The following PIEZO2 variants were observed in gnomAD, a reference collection of about 807,000 sequenced individuals.
PIEZO2 encodes piezo type mechanosensitive ion channel component 2.
A neutral mutation model predicts 337.3 loss-of-function variants in PIEZO2; 172 were observed. The observed-to-expected ratio is 0.51, with a 90% CI of 0.45 to 0.58. The LOEUF (loss-of-function observed/expected upper bound fraction) is 0.58. PIEZO2 is among the 20% of genes least tolerant of loss of function. The pLI, the probability that PIEZO2 is intolerant of heterozygous loss-of-function variation, is 0.00. For synonymous variants in PIEZO2, 1,251 were observed against 1,228.5 expected (o/e 1.02, Z -0.38); for missense variants, 3,028 against 3,391.3 (o/e 0.89, Z 2.66).
chr18:10,696,512 T>C lies in PIEZO2; in HGVS notation c.6855A>G (p.Lys2285=). 1.2e-6 allele frequency: 2 copies of C among 1,613,774 alleles called. No homozygotes were observed. The highest frequency in any genetic ancestry group is 2.7e-5 in the African/African-American group (2 of 75,002). The part of the protein sequence containing the change: ...KKTLEIYVPI[K]QFFYNLIHPE... ...GGTGGATGAGGTTGTAAAAGAACTGTTTGATGGGCACATAGATCTCCAGCG... is the reference window on the plus strand; with the variant it reads ...GGTGGATGAGGTTGTAAAAGAACTGCTTGATGGGCACATAGATCTCCAGCG... Residue 2285 remains lysine, a synonymous_variant, in exon 46 of 56, where the codon AAA becomes AAG. Transcript: ENST00000674853.
chr18:10,746,920 G>A lies in PIEZO2; in HGVS notation c.4424+1551C>T, dbSNP rs2037446532. 6.6e-6 allele frequency among the ~76,000 whole-genome samples: 1 copy of A among 152,146 alleles called. No individual in the cohort carries two copies. ...TATGTCCGCCCAAATGGACTGAGAC[G>A]ATACCAGGTGTACTGTAGTAGAATT... On this transcript the variant is annotated intron_variant, in intron 30 of 55. Transcript: ENST00000674853. The surrounding 1 kb of genome is among the most constrained non-coding windows in gnomAD (Gnocchi z 4.2).
At position 11,075,770 on chromosome 18, in the gene PIEZO2, G is replaced by A. The variant is rs141372502; in HGVS notation, c.65-9548C>T. On this transcript the variant is annotated intron_variant, in intron 1 of 55. Coordinates refer to ENST00000674853, the MANE Select transcript of PIEZO2 (RefSeq NM_001378183.1). ...CTCACATATGTGTGACAGGAAAGGC[G>A]AATAGAGATATATTTCTTTTTTTTT... 2.2e-3 allele frequency among the ~76,000 whole-genome samples: 333 copies of A among 150,600 alleles called. 2 individuals are homozygous for A. Among genetic ancestry groups the A allele is most frequent in the African/African-American group, 7.3e-3 (300 of 40,986 alleles).
chr18:10,842,365 G>C (rs2041223853), intron 7 of PIEZO2, among the ~76,000 whole-genome samples: 1 of 152,168 alleles, frequency 6.6e-6, no homozygotes, highest in South Asian at 2.1e-4. Context: ...AGGGGTGTTT[G>C]GGTCACGGGA....
Position 10,861,828 on chromosome 18 carries a change from G to A in PIEZO2, c.493-4617C>T, listed in dbSNP as rs2041881586. On this transcript the variant is annotated intron_variant, in intron 5 of 55. Coordinates refer to ENST00000674853, the MANE Select transcript of PIEZO2 (RefSeq NM_001378183.1). This position sits in a 1 kb window ranked among gnomAD's most constrained non-coding sequence, Gnocchi z 4.3. ...AGGTCAGGAGATCGAGACCTGCCTG[G>A]ACAACATGGTGAAACCTTGTCTGTA... 6.6e-6 allele frequency among the ~76,000 whole-genome samples: 1 copy of A among 152,144 alleles called. No individual in the cohort carries two copies. The highest frequency in any genetic ancestry group is 1.5e-5 in the Non-Finnish European group (1 of 68,010).
chr18:10,743,102 C>T (rs2037289125), intron 31 of PIEZO2, among the ~76,000 whole-genome samples: 1 of 152,140 alleles, frequency 6.6e-6, no homozygotes, highest in Admixed American at 6.5e-5. Context: ...ATTTGTTATT[C>T]TTCTAGACCT....
At chr18:10,880,693 G>T (rs1297952844) in intron 4 of PIEZO2, among the ~76,000 whole-genome samples, 1 of 151,702 alleles carries the variant, frequency 6.6e-6, no homozygotes, top group African/African-American at 2.4e-5. Flanking sequence ...CACGCTGAGA[G>T]ATAGTCTACT....
Position 10,681,677 on chromosome 18 carries a change from GC to G in PIEZO2, c.7762del (p.Ala2588LeufsTer20). 6.2e-7 allele frequency: 1 copy of G among 1,600,058 alleles called. No homozygotes were observed. The highest frequency in any genetic ancestry group is 8.6e-7 in the Non-Finnish European group (1 of 1,167,366). ...DQQSFNKFIQAFSRDTGAMQF... is the reference protein window; with the variant it reads ...DQQSFNKFIQXFSRDTGAMQF... ...TTTACTTACGGTGTCCCTAGAAAAA[GC>G]TTGTATAAATTTGTTAAAGCTCTGC... On this transcript the variant is annotated frameshift_variant, in exon 51 of 56. Coordinates refer to ENST00000674853, the MANE Select transcript of PIEZO2 (RefSeq NM_001378183.1). LOFTEE classifies it high-confidence loss of function.
intron 4 of PIEZO2, among the ~76,000 whole-genome samples, chr18:10,890,958 G>A (rs1354134714): frequency 1.3e-5 from 2 of 152,170 alleles, no homozygotes; most frequent in South Asian, 2.1e-4. Context: ...AAAATATATC[G>A]AATCTCCTTG....
chr18:10,677,805 G>A lies in PIEZO2; in HGVS notation c.8023C>T (p.Arg2675Ter), dbSNP rs576824464. The A allele has an allele frequency of 2.5e-6, 4 of 1,610,598 alleles. No individual in the cohort carries two copies. Among genetic ancestry groups the A allele is most frequent in the South Asian group, 1.1e-5 (1 of 89,744 alleles). ...GCTATCATTTTAGCGATATTCTTTC[G>A]AGTAATATTTTTAAGAGGAAAAGAA... ...KLSFPLKNITRKNIAKMIAGN... is the reference protein window; with the variant it reads ...KLSFPLKNIT Residue 2675 changes from arginine to a stop codon, truncating the protein, a stop_gained, in exon 53 of 56, where the codon CGA (arginine) becomes TGA (stop). Transcript: ENST00000674853. LOFTEE classifies it high-confidence loss of function. This position sits in a 1 kb window ranked among gnomAD's most constrained non-coding sequence, Gnocchi z 4.1.
intron 3 of PIEZO2, among the ~76,000 whole-genome samples, chr18:10,966,267 C>A (rs2033994188): frequency 6.6e-6 from 1 of 152,158 alleles, no homozygotes; most frequent in South Asian, 2.1e-4. Context: ...CATTCATTCT[C>A]CAAACTCTTG....
chr18:11,074,861 T>C (rs2038476112), intron 1 of PIEZO2, among the ~76,000 whole-genome samples: 1 of 152,232 alleles, frequency 6.6e-6, no homozygotes, highest in Admixed American at 6.5e-5. Context: ...TTTACCATTC[T>C]ATAGTAGCTC....
At chr18:11,081,177 G>A (rs1016866188) in intron 1 of PIEZO2, among the ~76,000 whole-genome samples, 1 of 152,204 alleles carries the variant, frequency 6.6e-6, no homozygotes, top group Admixed American at 6.5e-5. Context: ...GTGAAGCTAA[G>A]CTCCAGGCCT....
intron 4 of PIEZO2, among the ~76,000 whole-genome samples, chr18:10,880,948 T>A (rs1025747918): frequency 1.4e-5 from 2 of 142,272 alleles, no homozygotes; most frequent in African/African-American, 5.3e-5. Flanking sequence ...TCTGACCTCA[T>A]ATAGCAAGTC....
chr18:10,747,972 A>G (rs1196801552), intron 30 of PIEZO2, among the ~76,000 whole-genome samples: 1 of 151,770 alleles, frequency 6.6e-6, no homozygotes, highest in Non-Finnish European at 1.5e-5. Flanking sequence ...ACTTCACTTT[A>G]TTACCTCTCC....
chr18:11,139,027 A>C (rs1327007951), intron 1 of PIEZO2, among the ~76,000 whole-genome samples: 1 of 152,224 alleles, frequency 6.6e-6, no homozygotes, highest in Non-Finnish European at 1.5e-5. Context: ...CACACTAGCC[A>C]ATGTTTTACT....
chr18:11,062,042 T>C (rs1228493042), intron 2 of PIEZO2, among the ~76,000 whole-genome samples: 3 of 152,168 alleles, frequency 2.0e-5, no homozygotes, highest in Non-Finnish European at 4.4e-5. Flanking sequence ...AACAGCATGG[T>C]ACTGGTACCA....
In PIEZO2 at chr18:10,671,650, T is replaced by C. The variant is rs781052701; in HGVS notation, c.8475A>G (p.Thr2825=). 3.1e-6 allele frequency: 5 copies of C among 1,614,066 alleles called. No individual in the cohort carries two copies. Among genetic ancestry groups the C allele is most frequent in the Non-Finnish European group, 3.4e-6 (4 of 1,179,998 alleles). The change falls in exon 56 of 56, where the codon ACA becomes ACG. Residue 2825 remains threonine, a synonymous_variant. Transcript: ENST00000674853. ...CTGTCTCTCGAACTAAAAAAATATCTGTGCACAACTTCAAAATTCGATCCA... is the reference window on the plus strand; with the variant it reads ...CTGTCTCTCGAACTAAAAAAATATCCGTGCACAACTTCAAAATTCGATCCA... ...PNVDRILKLC[T]DIFLVRETGE...
rs2146312845 is a variant in PIEZO2 at position 11,148,233 on chromosome 18, A to G, written c.64+292T>C. On this transcript the variant is annotated intron_variant, in intron 1 of 55. Transcript: ENST00000674853. The surrounding 1 kb of genome is among the most constrained non-coding windows in gnomAD (Gnocchi z 5.2). ...TCCAGCCACAGCAATGGCCATCCTTAGTACACAAGTCAGTACTCCACGAAA... is the reference window on the plus strand; with the variant it reads ...TCCAGCCACAGCAATGGCCATCCTTGGTACACAAGTCAGTACTCCACGAAA... Among the ~76,000 whole-genome samples, 1 of 152,298 alleles carries G rather than the reference A, an allele frequency of 6.6e-6. No homozygotes were observed. The highest frequency in any genetic ancestry group is 3.4e-3 in the Middle Eastern group (1 of 294).
chr18:10,974,952 G>C (rs264231), intron 3 of PIEZO2, among the ~76,000 whole-genome samples: 70,275 of 152,088 alleles, frequency 0.46, 16,270 homozygotes, highest in Non-Finnish European at 0.49. Context: ...GAGCACAGGG[G>C]TCCAGCTGCA....
Sources: gnomAD v4.1 joint callset for allele counts (sites outside exome capture counted in the v4.1 genomes callset) on GRCh38, gnomAD v4.1.1 for gene constraint, Gnocchi (gnomAD v3.1) non-coding constraint, MANE v1.5 for transcripts, NCBI Gene and HGNC (gene_info 2026-07-23, HGNC 2026-07-21) for gene names.